ACCSL: variants seen among roughly 807,000 people sequenced by gnomAD.
ACCSL encodes the protein probable inactive 1-aminocyclopropane-1-carboxylate synthase-like protein 2.
ACCSL carries 55 observed loss-of-function variants against 61.7 expected under a neutral mutation model. The ratio of observed to expected loss-of-function variants is 0.89; its 90% CI spans 0.72 to 1.12. The LOEUF is 1.12. Among genes scored for constraint, ACCSL ranks in the 50% most tolerant of loss-of-function variants. The pLI is 0.00. For missense variants in ACCSL, 632 were observed against 698.0 expected (o/e 0.91, Z 1.07); for synonymous variants, 258 against 264.3 (o/e 0.98, Z 0.23).
chr11:43,929,312 T>C, the ACCSL span, among the ~76,000 whole-genome samples: 1 of 152,210 alleles, frequency 6.6e-6, no homozygotes, highest in Admixed American at 6.5e-5. Flanking sequence ...CTTAATCTCC[T>C]AAGCTCAAAT....
At chr11:43,946,329 C>T in the ACCSL span, among the ~76,000 whole-genome samples, 1 of 152,122 alleles carries the variant, frequency 6.6e-6, no homozygotes, top group Admixed American at 6.5e-5. Context: ...AACTCCTGAC[C>T]TCAAGTGACC....
chr11:44,043,044 T>C (rs1400188156), upstream of ACCSL, among the ~76,000 whole-genome samples: 1 of 151,668 alleles, frequency 6.6e-6, no homozygotes, highest in Non-Finnish European at 1.5e-5. Flanking sequence ...GATTGCACCA[T>C]TGCACTCCAG....
At chr11:43,990,317 C>A in the ACCSL span, among the ~76,000 whole-genome samples, 161 of 152,274 alleles carry the variant, frequency 1.1e-3, no homozygotes, top group African/African-American at 3.7e-3. Context: ...TAATTTATGT[C>A]TCATTGTTCT....
the ACCSL span, among the ~76,000 whole-genome samples, chr11:43,940,770 G>T: frequency 6.9e-6 from 1 of 145,976 alleles, no homozygotes; most frequent in Admixed American, 7.1e-5. Flanking sequence ...TTTGTTCTTC[G>T]AATACACCAA....
the ACCSL span, among the ~76,000 whole-genome samples, chr11:44,003,642 CAA>C: frequency 1.4e-5 from 2 of 141,340 alleles, no homozygotes; most frequent in Non-Finnish European, 1.5e-5. Context: ...GACTTTGTCT[CAA>C]AAAAAAAAAA....
the ACCSL span, among the ~76,000 whole-genome samples, chr11:44,038,087 T>C: frequency 6.6e-6 from 1 of 152,166 alleles, no homozygotes; most frequent in Admixed American, 6.5e-5. Flanking sequence ...ATGAGTACAT[T>C]ATATAGTATG....
the ACCSL span, among the ~76,000 whole-genome samples, chr11:43,980,794 T>C: frequency 2.0e-5 from 3 of 152,124 alleles, no homozygotes; most frequent in African/African-American, 7.2e-5. Context: ...TACTGTGAAA[T>C]TTGCTTTACA....
At chr11:43,950,283 T>C in the ACCSL span, among the ~76,000 whole-genome samples, 1 of 152,244 alleles carries the variant, frequency 6.6e-6, no homozygotes, top group Admixed American at 6.5e-5. Flanking sequence ...GGCCACATGT[T>C]GTCAGAACCT....
the ACCSL span, among the ~76,000 whole-genome samples, chr11:43,963,835 C>T: frequency 6.6e-6 from 1 of 152,180 alleles, no homozygotes; most frequent in Admixed American, 6.5e-5. Context: ...AATAGCTATA[C>T]CTGCATTTAA....
the ACCSL span, among the ~76,000 whole-genome samples, chr11:43,992,920 C>CCGT: frequency 1.3e-5 from 2 of 152,206 alleles, no homozygotes; most frequent in African/African-American, 4.8e-5. Flanking sequence ...CTAGCTCTCT[C>CCGT]CGTCGTGTGG....
the ACCSL span, among the ~76,000 whole-genome samples, chr11:43,935,757 A>C: frequency 6.6e-6 from 1 of 152,190 alleles, no homozygotes; most frequent in African/African-American, 2.4e-5. Context: ...ACTCCTGAGT[A>C]ACTGGGACTG....
chr11:43,995,359 G>A, the ACCSL span: 6 of 152,226 alleles, frequency 3.9e-5, no homozygotes, highest in Admixed American at 1.3e-4. Context: ...CATCTTCAGT[G>A]ACTGAAGTTT....
chr11:43,991,177 C>A, the ACCSL span, among the ~76,000 whole-genome samples: 2 of 152,190 alleles, frequency 1.3e-5, no homozygotes, highest in Non-Finnish European at 2.9e-5. Context: ...ACATGCCAGG[C>A]CCTGTTCTGA....
the ACCSL span, among the ~76,000 whole-genome samples, chr11:44,011,796 G>A: frequency 1.3e-5 from 2 of 151,190 alleles, no homozygotes; most frequent in South Asian, 2.1e-4. Flanking sequence ...GTGTGGGGGC[G>A]TGTGTGTGTG....
chr11:43,984,006 A>G, the ACCSL span, among the ~76,000 whole-genome samples: 1 of 152,098 alleles, frequency 6.6e-6, no homozygotes, highest in Admixed American at 6.5e-5. Flanking sequence ...AGTCCCAGGT[A>G]CTTGGGCGGC....
At chr11:43,943,527 G>A in the ACCSL span, 1 of 1,331,166 alleles carries the variant, frequency 7.5e-7, no homozygotes, top group African/African-American at 1.5e-5. This position sits in a 1 kb window ranked among gnomAD's most constrained non-coding sequence, Gnocchi z 4.8. Context: ...ACTCTTCCCA[G>A]TGCGAACTCT....
upstream of ACCSL, among the ~76,000 whole-genome samples, chr11:44,047,076 C>G (rs1952603059): frequency 6.6e-6 from 1 of 152,132 alleles, no homozygotes. Context: ...CAGGAACTTG[C>G]TAGAAATGAG....
At chr11:44,057,458 C>A (rs113781082) in intron 11 of ACCSL, among the ~76,000 whole-genome samples, 3,331 of 152,334 alleles carry the variant, frequency 0.022, 53 homozygotes, top group Non-Finnish European at 0.035. Context: ...GAACGCTAGT[C>A]CTCAATCTTG....
the ACCSL span, among the ~76,000 whole-genome samples, chr11:44,032,082 C>T: frequency 1.0e-3 from 157 of 152,286 alleles, no homozygotes; most frequent in Middle Eastern, 0.02. Context: ...TCATACTTAG[C>T]GGCTTAAGAC....
Sources: allele counts gnomAD v4.1 joint callset (sites outside exome capture counted in the v4.1 genomes callset), GRCh38; gene constraint gnomAD v4.1.1; non-coding constraint Gnocchi (gnomAD v3.1); transcripts MANE v1.5; gene names NCBI Gene and HGNC (gene_info 2026-07-23, HGNC 2026-07-21).